CNOT4: variants seen among roughly 807,000 people sequenced by gnomAD.
CNOT4 encodes CCR4-associated factor 4.
Under a neutral mutation model 73.8 loss-of-function variants are expected in CNOT4, and 8 were observed. The observed-to-expected ratio is 0.11, with a 90% CI of 0.06 to 0.20. The LOEUF is 0.20. Among genes scored for constraint, CNOT4 ranks in the 10% least tolerant of loss-of-function variants. CNOT4 has a pLI of 1.00. For missense variants in CNOT4, 564 were observed against 883.4 expected (o/e 0.64, Z 4.58); for synonymous variants, 293 against 321.1 (o/e 0.91, Z 0.94).
intron 1 of CNOT4, among the ~76,000 whole-genome samples, chr7:135,454,183 A>G (rs1307795766): frequency 2.0e-5 from 3 of 151,914 alleles, no homozygotes; most frequent in African/African-American, 7.2e-5. Flanking sequence ...CACTTCTATT[A>G]TGACTCAGTA....
chr7:135,362,766 G>T lies in CNOT4; in HGVS notation c.*119C>A. 1 of 948,354 alleles carries T rather than the reference G, an allele frequency of 1.1e-6. No individual in the cohort carries two copies. The highest frequency in any genetic ancestry group is 1.3e-5 in the South Asian group (1 of 77,572). 58.7% of individuals were successfully genotyped at this position (948,354 alleles called of 1,614,324 possible). A position where few individuals can be genotyped will look rare whatever the true frequency, so the allele number is the denominator to read the frequency against. On this transcript the variant is annotated 3_prime_UTR_variant, in exon 12 of 12. Transcript: ENST00000541284. ...TCTGGGGTTAGGGAGAAAAAAAATTGATCAGGTACTGGATTCTTCAGAACA... is the reference window on the plus strand; with the variant it reads ...TCTGGGGTTAGGGAGAAAAAAAATTTATCAGGTACTGGATTCTTCAGAACA...
chr7:135,461,014 A>C (rs1176704105), intron 1 of CNOT4, among the ~76,000 whole-genome samples: 2 of 152,224 alleles, frequency 1.3e-5, no homozygotes, highest in Non-Finnish European at 2.9e-5. Context: ...AAGCATTTTT[A>C]GCTCATGGAC....
rs187568164 is a variant in CNOT4 at position 135,456,820 on chromosome 7, A to G, written c.-92-18397T>C. Among the ~76,000 whole-genome samples, 165 of 152,172 alleles carry G rather than the reference A, an allele frequency of 1.1e-3. 2 individuals are homozygous for G. The highest frequency in any genetic ancestry group is 1.8e-3 in the Non-Finnish European group (123 of 67,974). On this transcript the variant is annotated intron_variant, in intron 1 of 11. Coordinates refer to ENST00000541284, the MANE Select transcript of CNOT4 (RefSeq NM_001190850.2). ...CAGATACAGAAGGCCAACTGTATAT[A>G]AAGGGTTCAGTACTATCTGCGGTTT...
chr7:135,388,184 C>T lies in CNOT4; in HGVS notation c.1627+5734G>A, dbSNP rs565987594. The T allele has an allele frequency of 9.1e-6, 9 of 985,176 alleles. No individual in the cohort carries two copies. In the South Asian group the frequency reaches 4.2e-4, roughly 46 times the overall value. 61.0% of individuals were successfully genotyped at this position (985,176 alleles called of 1,614,324 possible). Reference sequence around the variant, plus strand: ...TAACCATCTATGCATAATTAACAACCATTCAAAAAGAAAGTGCAAAAGTGC... The same window carrying T: ...TAACCATCTATGCATAATTAACAACTATTCAAAAAGAAAGTGCAAAAGTGC... On this transcript the variant is annotated intron_variant, in intron 10 of 11. Coordinates refer to ENST00000541284, the MANE Select transcript of CNOT4 (RefSeq NM_001190850.2).
chr7:135,398,197 C>T lies in CNOT4; in HGVS notation c.851G>A (p.Ser284Asn), dbSNP rs1210439119. 3 of 1,549,946 alleles carry T rather than the reference C, an allele frequency of 1.9e-6. No homozygotes were observed. The highest frequency in any genetic ancestry group is 2.7e-6 in the Non-Finnish European group (3 of 1,122,954). Reference sequence around the variant, plus strand: ...CTGGGAATTATCACCGTTCCCTATACTGAGAGAATCTGAAGGTTTGTCAAT... The same window carrying T: ...CTGGGAATTATCACCGTTCCCTATATTGAGAGAATCTGAAGGTTTGTCAAT... ...TPIDKPSDSL[S>N]IGNGDNSQQI... The change falls in exon 8 of 12, where the codon AGT becomes AAT. Residue 284 changes from serine (S) to asparagine (N), a missense_variant. Physicochemically the swap from Ser to Asn is conservative, Grantham distance 46. This residue lies in a region of CNOT4 where 135 missense variants were observed against 154.0 expected (regional missense o/e 0.88). Coordinates refer to ENST00000541284, the MANE Select transcript of CNOT4 (RefSeq NM_001190850.2).
At chr7:135,504,588 G>A (rs1353260995) in intron 1 of CNOT4, among the ~76,000 whole-genome samples, 1 of 109,812 alleles carries the variant, frequency 9.1e-6, no homozygotes, top group Admixed American at 8.4e-5. Flanking sequence ...CCGGGTTCAC[G>A]CCATTCTCCT....
intron 1 of CNOT4, among the ~76,000 whole-genome samples, chr7:135,491,291 G>T (rs972377040): frequency 6.6e-6 from 1 of 152,196 alleles, no homozygotes; most frequent in African/African-American, 2.4e-5. Context: ...ATTGCTAAGG[G>T]AATGAGCATA....
chr7:135,384,743 T>C, intron 10 of CNOT4: 1 of 765,180 alleles, frequency 1.3e-6, no homozygotes. Flanking sequence ...TTTAAATATT[T>C]AGGTTCTTCT....
At position 135,410,561 on chromosome 7, in the gene CNOT4, C is replaced by T; in HGVS notation, c.775G>A (p.Val259Ile). Residue 259 changes from valine to isoleucine, a missense_variant, in exon 7 of 12, where the codon GTT becomes ATT. Val to Ile is a conservative substitution (Grantham distance 29). This residue lies in a region of CNOT4 where 135 missense variants were observed against 154.0 expected (regional missense o/e 0.88). Transcript: ENST00000541284. ...GTCACTTTGTTCTTATTTTTATCAACTGAACCCGTAGATAGCTGAAGAAAA... is the reference window on the plus strand; with the variant it reads ...GTCACTTTGTTCTTATTTTTATCAATTGAACCCGTAGATAGCTGAAGAAAA... ...PNFLQLSTGSVDKNKNKVTPL... is the reference protein window; with the variant it reads ...PNFLQLSTGSIDKNKNKVTPL... 1 of 1,574,670 alleles carries T rather than the reference C, an allele frequency of 6.4e-7. No homozygotes were observed. Among genetic ancestry groups the T allele is most frequent in the Non-Finnish European group, 8.6e-7 (1 of 1,160,692 alleles).
intron 7 of CNOT4, among the ~76,000 whole-genome samples, chr7:135,403,390 A>G (rs1174801824): frequency 6.6e-6 from 1 of 152,254 alleles, no homozygotes; most frequent in African/African-American, 2.4e-5. Flanking sequence ...GGCTTCAAAT[A>G]TACATTAACA....
At chr7:135,408,366 T>C (rs564359087) in intron 7 of CNOT4, among the ~76,000 whole-genome samples, 1 of 152,250 alleles carries the variant, frequency 6.6e-6, no homozygotes, top group Admixed American at 6.5e-5. Context: ...ATGTATTAGG[T>C]TTTCAAATGT....
intron 10 of CNOT4, among the ~76,000 whole-genome samples, chr7:135,379,572 GTA>G (rs948150178): frequency 1.2e-4 from 18 of 151,974 alleles, no homozygotes; most frequent in Admixed American, 9.2e-4. Flanking sequence ...GCCTATATGT[GTA>G]TATATATATG....
chr7:135,424,075 ACACACACACACACAC>A (rs2129484629), intron 2 of CNOT4, among the ~76,000 whole-genome samples: 1 of 123,352 alleles, frequency 8.1e-6, no homozygotes, highest in East Asian at 2.8e-4. Context: ...ACACACACAC[ACACACACACACACAC>A]ATTTTTTATT....
At position 135,382,479 on chromosome 7, in the gene CNOT4, C is replaced by T. The variant is rs186274824; in HGVS notation, c.1627+11439G>A. On this transcript the variant is annotated intron_variant, in intron 10 of 11. Coordinates refer to ENST00000541284, the MANE Select transcript of CNOT4 (RefSeq NM_001190850.2). ...GAAGCATTATCCTTTTTAAATGTCACAGTTGATATTTCAGCTGACATATAC... is the reference window on the plus strand; with the variant it reads ...GAAGCATTATCCTTTTTAAATGTCATAGTTGATATTTCAGCTGACATATAC... 2.6e-5 allele frequency among the ~76,000 whole-genome samples: 4 copies of T among 152,010 alleles called. No individual in the cohort carries two copies. In the East Asian group the frequency reaches 5.8e-4, roughly 22 times the overall value.
intron 1 of CNOT4, among the ~76,000 whole-genome samples, chr7:135,450,565 G>A (rs1800097576): frequency 6.6e-6 from 1 of 152,088 alleles, no homozygotes; most frequent in Non-Finnish European, 1.5e-5. Flanking sequence ...TGTTGAATAG[G>A]CTGTTCTCAA....
In CNOT4 at chr7:135,363,881, T is replaced by G; in HGVS notation, c.1813A>C (p.Ser605Arg). ...TDSLSWDSPG[S>R]WTDPAIITGI... ...GTGATGATGGCTGGGTCTGTCCAGC[T>G]GCCAGGGCTGTCCCAACTCAGGCTG... is the stretch of plus-strand genomic sequence containing the variant. The change falls in exon 11 of 12, where the codon AGC (serine) becomes CGC (arginine). Residue 605 changes from serine (S) to arginine (R), a missense_variant. Ser to Arg is a moderately radical substitution (Grantham distance 110). Transcript: ENST00000541284. The surrounding 1 kb of genome is among the most constrained non-coding windows in gnomAD (Gnocchi z 4.3). The G allele has an allele frequency of 5.6e-6, 9 of 1,597,922 alleles. No individual in the cohort carries two copies. The highest frequency in any genetic ancestry group is 7.6e-6 in the Non-Finnish European group (9 of 1,179,526).
chr7:135,374,436 A>G (rs553554164), intron 10 of CNOT4, among the ~76,000 whole-genome samples: 1 of 152,270 alleles, frequency 6.6e-6, no homozygotes, highest in African/African-American at 2.4e-5. Flanking sequence ...TATAGCATGG[A>G]TAACAGCAGT....
chr7:135,392,909 T>G (rs1333090582), intron 10 of CNOT4, among the ~76,000 whole-genome samples: 1 of 151,870 alleles, frequency 6.6e-6, no homozygotes, highest in Non-Finnish European at 1.5e-5. Flanking sequence ...TCTGCCTTGC[T>G]GCTGATAAAA....
chr7:135,410,725 T>C lies in CNOT4; in HGVS notation c.688-77A>G, dbSNP rs1585602462. 3.4e-5 allele frequency: 28 copies of C among 819,016 alleles called. No individual in the cohort carries two copies. In the East Asian group the frequency reaches 1.2e-3, roughly 35 times the overall value. The allele number at this position is 819,016 out of a possible 1,614,324, so 50.7% of individuals were successfully genotyped here. On this transcript the variant is annotated intron_variant, in intron 6 of 11. Transcript: ENST00000541284. ...TAAAATACTGAATAATCTTCTGAATTATTAAATATATTTTAAATAAAATAA... is the reference window on the plus strand; with the variant it reads ...TAAAATACTGAATAATCTTCTGAATCATTAAATATATTTTAAATAAAATAA...
Sources: allele counts gnomAD v4.1 joint callset (sites outside exome capture counted in the v4.1 genomes callset), GRCh38; gene constraint gnomAD v4.1.1; regional missense constraint gnomAD v4.1.1; non-coding constraint Gnocchi (gnomAD v3.1); transcripts MANE v1.5; gene names NCBI Gene and HGNC (gene_info 2026-07-23, HGNC 2026-07-21).